Variants in ACSF3 observed in about 807,000 individuals in gnomAD.
ACSF3 encodes malonate--CoA ligase ACSF3, mitochondrial.
Under a neutral mutation model 53.2 loss-of-function variants are expected in ACSF3, and 78 were observed. The observed-to-expected ratio is 1.47, with a 90% CI of 1.22 to 1.77. The LOEUF is 1.77. Ranked by LOEUF, ACSF3 falls within the 40% of genes most tolerant of loss-of-function variation. The probability of loss-of-function intolerance (pLI) is 0.00; values close to 1 mark genes in which losing one functional copy is unlikely to be tolerated. For synonymous variants in ACSF3, 414 were observed against 333.1 expected (o/e 1.24, Z -2.65); for missense variants, 937 against 771.1 (o/e 1.22, Z -2.55).
At chr16:89,117,915 C>A (rs979434266) in intron 6 of ACSF3, among the ~76,000 whole-genome samples, 1 of 151,912 alleles carries the variant, frequency 6.6e-6, no homozygotes, top group African/African-American at 2.4e-5. Flanking sequence ...CCTCGGGTGC[C>A]GGGGATGCTC....
At chr16:89,116,019 G>T (rs1364018721) in intron 6 of ACSF3, among the ~76,000 whole-genome samples, 2 of 152,174 alleles carry the variant, frequency 1.3e-5, no homozygotes, top group East Asian at 3.8e-4. Context: ...TTTGTGAATT[G>T]TCTGATGTCA....
At chr16:89,102,802 C>CCCA in intron 4 of ACSF3, 43 bp downstream of exon 4, 1 of 1,522,716 alleles carries the variant, frequency 6.6e-7, no homozygotes, top group Non-Finnish European at 8.8e-7. Flanking sequence ...TCAGACTAGG[C>CCCA]GCCTTTCCCC....
rs1259196305 is a variant in ACSF3 at position 89,154,171 on chromosome 16, CAAG to C, written c.1699_1701del (p.Lys567del). On this transcript the variant is annotated inframe_deletion, in exon 11 of 11. Coordinates refer to ENST00000614302, the MANE Select transcript of ACSF3 (RefSeq NM_001243279.3). ...CGCGGAACCAGATGGGCAAGATTGACAAGAAGGCGCTCATCAGGCACTTCCACC... is the reference window on the plus strand; with the variant it reads ...CGCGGAACCAGATGGGCAAGATTGACAAGGCGCTCATCAGGCACTTCCACC... 1.2e-6 allele frequency: 2 copies of C among 1,613,640 alleles called. No homozygotes were observed. The highest frequency in any genetic ancestry group is 8.5e-7 in the Non-Finnish European group (1 of 1,179,868).
At chr16:89,115,994 G>A (rs1035912608) in intron 6 of ACSF3, among the ~76,000 whole-genome samples, 3 of 152,154 alleles carry the variant, frequency 2.0e-5, no homozygotes, top group Non-Finnish European at 4.4e-5. Context: ...GTTTTGGCCC[G>A]GTTTATCAAT....
intron 8 of ACSF3, among the ~76,000 whole-genome samples, chr16:89,143,437 G>A (rs1416216978): frequency 2.6e-5 from 4 of 152,072 alleles, no homozygotes; most frequent in Admixed American, 1.3e-4. Context: ...GCCAGAAGCT[G>A]TATGGAGGGC....
At chr16:89,127,301 C>T (rs983903325) in intron 7 of ACSF3, among the ~76,000 whole-genome samples, 1 of 151,802 alleles carries the variant, frequency 6.6e-6, no homozygotes, top group African/African-American at 2.4e-5. Context: ...ATTATTTCTT[C>T]TTTCAATGAT....
intron 8 of ACSF3, among the ~76,000 whole-genome samples, chr16:89,140,402 C>G (rs1290996741): frequency 6.6e-6 from 1 of 152,252 alleles, no homozygotes; most frequent in Admixed American, 6.5e-5. Flanking sequence ...GGCTTGGAGG[C>G]TGAGAACTTG....
At chr16:89,094,412 G>T (rs950524115) in intron 1 of ACSF3, among the ~76,000 whole-genome samples, 2 of 152,236 alleles carry the variant, frequency 1.3e-5, no homozygotes, top group African/African-American at 4.8e-5. Flanking sequence ...TGGGCGCGTG[G>T]GGCACAGGTT....
chr16:89,137,147 C>T (rs1396304802), intron 8 of ACSF3, among the ~76,000 whole-genome samples: 1 of 152,226 alleles, frequency 6.6e-6, no homozygotes, highest in Non-Finnish European at 1.5e-5. Flanking sequence ...GGCAGGGCGG[C>T]ATCCCTGCAG....
At chr16:89,120,758 C>G (rs1007289489) in intron 6 of ACSF3, 43 bp from the exon 7 acceptor site, 1 of 1,582,382 alleles carries the variant, frequency 6.3e-7, no homozygotes, top group African/African-American at 1.3e-5. Context: ...CTCCAGGTTC[C>G]TCTCACTCCA....
chr16:89,100,667 C>CCCCAAGAGGCTCCCGGGAG lies in ACSF3; in HGVS notation c.-14_-13insCCAAGAGGCTCCCGGGAGC, dbSNP rs11273288. ...TGTGCCTTGCCTTTCTCCAGCTCGG[C>CCCCAAGAGGCTCCCGGGAG]CGCCTGTCAGTGCAATGCTGCCCCA... is the stretch of plus-strand genomic sequence containing the variant. On this transcript the variant is annotated 5_prime_UTR_variant, in exon 3 of 11. Transcript: ENST00000614302. 5.0e-6 allele frequency: 8 copies of CCCCAAGAGGCTCCCGGGAG among 1,588,660 alleles called. No homozygotes were observed. The highest frequency in any genetic ancestry group is 6.8e-6 in the Non-Finnish European group (8 of 1,174,614).
chr16:89,102,433 T>A, intron 3 of ACSF3, 171 bp from the exon 4 acceptor site: 1 of 735,934 alleles, frequency 1.4e-6, no homozygotes, highest in Non-Finnish European at 2.3e-6. Context: ...CTGCTGTGGT[T>A]TTGTCGTCAT....
chr16:89,144,535 C>T (rs1912516090), intron 8 of ACSF3, among the ~76,000 whole-genome samples: 1 of 152,194 alleles, frequency 6.6e-6, no homozygotes, highest in African/African-American at 2.4e-5. Context: ...TGGAGCCCAC[C>T]GTGGTGGGAT....
rs545491558 is a variant in ACSF3, at chr16:89,117,019, C to T, written c.1126+2532C>T. Among the ~76,000 whole-genome samples the T allele has an allele frequency of 1.1e-3, 165 of 152,288 alleles. 2 individuals carry two copies. The highest frequency in any genetic ancestry group is 3.6e-3 in the African/African-American group (149 of 41,554). ...ATGTGCTGGTTTTGTCCAGTGCCAC[C>T]GGCCACAGTCACCACGTAATATGGA... On this transcript the variant is annotated intron_variant, in intron 6 of 10. Coordinates refer to ENST00000614302, the MANE Select transcript of ACSF3 (RefSeq NM_001243279.3).
Position 89,119,471 on chromosome 16 carries a change from G to A in ACSF3, c.1127-1330G>A, listed in dbSNP as rs541244926. 4.4e-4 allele frequency among the ~76,000 whole-genome samples: 67 copies of A among 152,362 alleles called. 1 individual carries two copies. The highest frequency in any genetic ancestry group is 4.1e-3 in the South Asian group (20 of 4,832). ...GGGAGTTCTGACTAGGGGAAGTGGG[G>A]GGCTGTGCAATGTGTGTGCGGAACA... On this transcript the variant is annotated intron_variant, in intron 6 of 10. Transcript: ENST00000614302.
chr16:89,093,956 G>T lies in ACSF3; in HGVS notation c.-234G>T. 3.1e-6 allele frequency: 1 copy of T among 322,184 alleles called. No individual in the cohort carries two copies. The allele number at this position is 322,184 out of a possible 1,614,324, so 20.0% of individuals were successfully genotyped here. ...GCGGCGGAGGACGAGGAAGAGTTGT[G>T]GCGAGGCAGATCCTGCCCCGTGGCC... On this transcript the variant is annotated 5_prime_UTR_variant, in exon 1 of 11. Transcript: ENST00000614302.
chr16:89,114,273 CT>C, intron 5 of ACSF3, 65 bp from the exon 6 acceptor site: 2 of 1,606,724 alleles, frequency 1.2e-6, no homozygotes, highest in South Asian at 2.2e-5. Flanking sequence ...GGGGCTAAAC[CT>C]GCCACCTTTG....
chr16:89,123,063 C>T (rs567354563), intron 7 of ACSF3, among the ~76,000 whole-genome samples: 7 of 152,300 alleles, frequency 4.6e-5, no homozygotes, highest in African/African-American at 7.2e-5. Context: ...TCTCAGCGTA[C>T]GGGGGGTTTG....
At chr16:89,150,936 T>G (rs749897056) in intron 10 of ACSF3, 5 of 1,232,640 alleles carry the variant, frequency 4.1e-6, no homozygotes, top group Non-Finnish European at 5.3e-6. Flanking sequence ...AATCCAAATG[T>G]TCCAACTGTC....
Sources: gnomAD v4.1 joint callset for allele counts (sites outside exome capture counted in the v4.1 genomes callset) on GRCh38, gnomAD v4.1.1 for gene constraint, MANE v1.5 for transcripts, NCBI Gene and HGNC (gene_info 2026-07-23, HGNC 2026-07-21) for gene names.